The following ANKIB1 variants were observed in gnomAD, a reference collection of about 807,000 sequenced individuals.
The protein encoded by ANKIB1 is ankyrin repeat and IBR domain containing 1.
A neutral mutation model predicts 122.1 loss-of-function variants in ANKIB1; 43 were observed. That is an observed-to-expected ratio of 0.35 (90% CI 0.28 to 0.45). ANKIB1 has a LOEUF of 0.45. Ranked by LOEUF, ANKIB1 falls within the 20% of genes least tolerant of loss-of-function variation. ANKIB1 has a pLI of 1.00. For missense variants in ANKIB1, 992 were observed against 1,329.5 expected, an observed-to-expected ratio of 0.75 and a Z score of 3.95; for synonymous variants, 390 against 442.0, an observed-to-expected ratio of 0.88 and a Z score of 1.48.
chr7:92,374,120 C>G (rs955157451), intron 11 of ANKIB1, among the ~76,000 whole-genome samples: 1 of 152,016 alleles, frequency 6.6e-6, no homozygotes, highest in Non-Finnish European at 1.5e-5. Context: ...AAAGAAAAAC[C>G]CCAATAACAT....
intron 2 of ANKIB1, among the ~76,000 whole-genome samples, chr7:92,302,747 G>A (rs951748089): frequency 1.3e-5 from 2 of 152,116 alleles, no homozygotes; most frequent in African/African-American, 4.8e-5. Context: ...TCCAGTTATT[G>A]ATTTCTGTTT....
chr7:92,391,796 C>A (rs537053468), intron 16 of ANKIB1, among the ~76,000 whole-genome samples: 2 of 152,018 alleles, frequency 1.3e-5, no homozygotes, highest in African/African-American at 4.8e-5. Context: ...AAGTGATAAA[C>A]CCATCCACTA....
chr7:92,330,661 T>G (rs1230621313), intron 5 of ANKIB1, among the ~76,000 whole-genome samples: 1 of 152,044 alleles, frequency 6.6e-6, no homozygotes, highest in Non-Finnish European at 1.5e-5. Context: ...GCTAACATGC[T>G]GAAACCCCGT....
chr7:92,358,648 T>C (rs750144180), intron 9 of ANKIB1, among the ~76,000 whole-genome samples: 13 of 150,948 alleles, frequency 8.6e-5, no homozygotes, highest in Non-Finnish European at 1.6e-4. Flanking sequence ...AAAACCAGTA[T>C]TTACCAGCGT....
At chr7:92,344,007 A>G (rs1305117079) in intron 6 of ANKIB1, among the ~76,000 whole-genome samples, 2 of 152,050 alleles carry the variant, frequency 1.3e-5, no homozygotes, top group Non-Finnish European at 2.9e-5. Context: ...AGTGCTTCTC[A>G]TTTTATCTGT....
At chr7:92,300,945 C>T (rs909897910) in intron 2 of ANKIB1, among the ~76,000 whole-genome samples, 1 of 152,108 alleles carries the variant, frequency 6.6e-6, no homozygotes, top group African/African-American at 2.4e-5. Flanking sequence ...AGATCTTGCA[C>T]TCATTTGTCT....
At chr7:92,383,806 AAGCATTCCCTTTG>A (rs1406603583) in intron 11 of ANKIB1, among the ~76,000 whole-genome samples, 1 of 152,214 alleles carries the variant, frequency 6.6e-6, no homozygotes, top group Non-Finnish European at 1.5e-5. Context: ...CAAAAACTGG[AAGCATTCCCTTTG>A]AAAACTGGCA....
intron 18 of ANKIB1, among the ~76,000 whole-genome samples, chr7:92,396,814 A>G (rs1259306946): frequency 3.3e-5 from 5 of 152,200 alleles, no homozygotes; most frequent in African/African-American, 1.2e-4. Flanking sequence ...TAATGCATCT[A>G]AAACACTTAA....
chr7:92,284,266 G>A (rs954145348), intron 1 of ANKIB1, among the ~76,000 whole-genome samples: 5 of 152,122 alleles, frequency 3.3e-5, no homozygotes, highest in African/African-American at 1.2e-4. Flanking sequence ...GGCATGTACT[G>A]GGGAGTCAGG....
At chr7:92,259,103 G>T (rs1212289105) in intron 1 of ANKIB1, among the ~76,000 whole-genome samples, 2 of 152,066 alleles carry the variant, frequency 1.3e-5, no homozygotes, top group Admixed American at 6.6e-5. Context: ...ACAGATGCAT[G>T]CCACCACACC....
At chr7:92,391,121 A>C in intron 15 of ANKIB1, 45 bp from the exon 16 acceptor site, 2 of 1,494,018 alleles carry the variant, frequency 1.3e-6, no homozygotes. Context: ...GCTATTGATT[A>C]ACCTATGAAG....
chr7:92,266,904 A>G (rs2131887724), intron 1 of ANKIB1, among the ~76,000 whole-genome samples: 1 of 152,354 alleles, frequency 6.6e-6, no homozygotes, highest in East Asian at 1.9e-4. Context: ...CATGACAGCC[A>G]GCAAAGGAAA....
intron 11 of ANKIB1, among the ~76,000 whole-genome samples, chr7:92,375,013 A>AT (rs927505756): frequency 1.3e-5 from 2 of 150,192 alleles, no homozygotes; most frequent in African/African-American, 5.1e-5. Flanking sequence ...GTAAATCACA[A>AT]TTTTTTTGTT....
chr7:92,287,691 T>G (rs992535566), intron 1 of ANKIB1, among the ~76,000 whole-genome samples: 1 of 152,112 alleles, frequency 6.6e-6, no homozygotes, highest in Admixed American at 6.5e-5. Flanking sequence ...AAAATTCATC[T>G]ATCTAGTGCA....
chr7:92,392,172 C>G, intron 16 of ANKIB1, 69 bp from the exon 17 acceptor site: 1 of 1,324,600 alleles, frequency 7.5e-7, no homozygotes, highest in Non-Finnish European at 1.0e-6. Flanking sequence ...GTTCAAAGGG[C>G]AAGGATCTGA....
chr7:92,387,718 C>CT (rs1474964921), intron 12 of ANKIB1, 80 bp from the exon 13 acceptor site: 11 of 1,062,926 alleles, frequency 1.0e-5, no homozygotes, highest in Non-Finnish European at 1.5e-5. Context: ...ACTAATAAAA[C>CT]TTTTAAATGA....
At chr7:92,292,267 A>G (rs888699789) in intron 1 of ANKIB1, among the ~76,000 whole-genome samples, 2 of 152,224 alleles carry the variant, frequency 1.3e-5, no homozygotes, top group Non-Finnish European at 2.9e-5. Context: ...AAATTTTAAA[A>G]TGAAACAGAT....
At chr7:92,329,124 C>T (rs1803099224) in intron 5 of ANKIB1, among the ~76,000 whole-genome samples, 1 of 151,720 alleles carries the variant, frequency 6.6e-6, no homozygotes, top group South Asian at 2.1e-4. Flanking sequence ...CACACCACCA[C>T]ACCCGGCTAA....
At chr7:92,304,914 G>T (rs1035127731) in intron 2 of ANKIB1, among the ~76,000 whole-genome samples, 2 of 152,210 alleles carry the variant, frequency 1.3e-5, no homozygotes, top group East Asian at 3.9e-4. Context: ...ATTATTCCAT[G>T]TTCCCTTATA....
Sources: allele counts gnomAD v4.1 joint callset (sites outside exome capture counted in the v4.1 genomes callset), GRCh38; gene constraint gnomAD v4.1.1; transcripts MANE v1.5; gene names NCBI Gene and HGNC (gene_info 2026-07-23, HGNC 2026-07-21).